The following RASAL1 variants were observed in gnomAD, a reference collection of about 807,000 sequenced individuals.
RASAL1 encodes the protein rasGAP-activating-like protein 1.
Under a neutral mutation model 96.6 loss-of-function variants are expected in RASAL1, and 72 were observed. That is an observed-to-expected ratio of 0.75 (90% CI 0.62 to 0.91). RASAL1 has a LOEUF of 0.91. Among genes scored for constraint, RASAL1 ranks in the 40% least tolerant of loss-of-function variants. The pLI, the probability that RASAL1 is intolerant of heterozygous loss-of-function variation, is 0.00. For missense variants in RASAL1, 1,016 were observed against 1,072.5 expected, an observed-to-expected ratio of 0.95 and a Z score of 0.74; for synonymous variants, 405 against 430.4, an observed-to-expected ratio of 0.94 and a Z score of 0.73.
intron 13 of RASAL1, among the ~76,000 whole-genome samples, chr12:113,111,315 T>C (rs562728010): frequency 1.3e-5 from 2 of 152,306 alleles, no homozygotes; most frequent in Non-Finnish European, 2.9e-5. Flanking sequence ...GCACTTACTT[T>C]GTGCCAGACT....
chr12:113,127,061 T>G (rs574100027), intron 4 of RASAL1, among the ~76,000 whole-genome samples: 1 of 151,422 alleles, frequency 6.6e-6, no homozygotes, highest in South Asian at 2.1e-4. Context: ...TATTTTTAAA[T>G]TATTTTTAGT....
upstream of RASAL1, chr12:113,135,820 T>G: frequency 5.0e-6 from 1 of 198,980 alleles, no homozygotes; most frequent in Non-Finnish European, 1.0e-5. This position sits in a 1 kb window ranked among gnomAD's most constrained non-coding sequence, Gnocchi z 5.7. Flanking sequence ...TCCAATGGGG[T>G]CCCCCACCTG....
At position 113,127,879 on chromosome 12, in the gene RASAL1, G is replaced by A. The variant is rs370191767; in HGVS notation, c.237-6C>T. 3 of 1,613,060 alleles carry A rather than the reference G, an allele frequency of 1.9e-6. No individual in the cohort carries two copies. In the South Asian group the frequency reaches 3.3e-5, roughly 18 times the overall value. Reference sequence around the variant, plus strand: ...TGCCGATGATGTCGTCGTGCCTGCAGGAAGGCGGGCACGTGAAGGTCTGAG... The same window carrying A: ...TGCCGATGATGTCGTCGTGCCTGCAAGAAGGCGGGCACGTGAAGGTCTGAG... On this transcript the variant is annotated splice_polypyrimidine_tract_variant and splice_region_variant and intron_variant, in intron 3 of 20. Transcript: ENST00000548055.
chr12:113,119,359 C>T lies in RASAL1; in HGVS notation c.510+3G>A, dbSNP rs1951204850. 6.2e-7 allele frequency: 1 copy of T among 1,613,054 alleles called. No homozygotes were observed. The highest frequency in any genetic ancestry group is 1.7e-5 in the Admixed American group (1 of 59,906). On this transcript the variant is annotated splice_donor_region_variant and intron_variant, in intron 6 of 20. Transcript: ENST00000548055. ...CTTCCTGGCTTCATTCCCCACCACT[C>T]ACTGAGGTCTCCAAGCTCTGGCTGC...
intron 20 of RASAL1, among the ~76,000 whole-genome samples, chr12:113,100,406 CT>C (rs1477976813): frequency 6.6e-6 from 1 of 152,186 alleles, no homozygotes; most frequent in African/African-American, 2.4e-5. Context: ...TCAAGCAATT[CT>C]CATGCCTCAG....
chr12:113,134,860 A>T (rs1468526409), intron 1 of RASAL1, among the ~76,000 whole-genome samples: 1 of 152,050 alleles, frequency 6.6e-6, no homozygotes, highest in Non-Finnish European at 1.5e-5. Flanking sequence ...AAGACTGGGG[A>T]GCTCAGGGCT....
chr12:113,130,662 C>T lies in RASAL1; in HGVS notation c.122+223G>A, dbSNP rs893132309. On this transcript the variant is annotated intron_variant, in intron 2 of 20. Coordinates refer to ENST00000548055, the MANE Select transcript of RASAL1 (RefSeq NM_001301202.2). This position sits in a 1 kb window ranked among gnomAD's most constrained non-coding sequence, Gnocchi z 5.1. ...GCACAGGCTGGCAGCGCTGAGTCAG[C>T]CCCAGGGAGCCAGCAGGGACAGCAT... Among the ~76,000 whole-genome samples the T allele has an allele frequency of 2.6e-5, 4 of 152,136 alleles. No homozygotes were observed. Among genetic ancestry groups the T allele is most frequent in the Non-Finnish European group, 4.4e-5 (3 of 68,010 alleles).
chr12:113,115,839 C>T lies in RASAL1; in HGVS notation c.850-51G>A, dbSNP rs376187198. 213 of 1,609,948 alleles carry T rather than the reference C, an allele frequency of 1.3e-4. No individual in the cohort carries two copies. The highest frequency in any genetic ancestry group is 1.4e-4 in the Non-Finnish European group (167 of 1,177,698). ...GACCTCGGCCCCTGGGACCCCAAAGCAGATGGGCCTAGATAGGGCTCCGTG... is the reference window on the plus strand; with the variant it reads ...GACCTCGGCCCCTGGGACCCCAAAGTAGATGGGCCTAGATAGGGCTCCGTG... On this transcript the variant is annotated intron_variant, in intron 9 of 20. Transcript: ENST00000548055. The surrounding 1 kb of genome is among the most constrained non-coding windows in gnomAD (Gnocchi z 4.1).
intron 4 of RASAL1, among the ~76,000 whole-genome samples, chr12:113,127,601 G>A (rs1277216926): frequency 6.6e-6 from 1 of 152,178 alleles, no homozygotes; most frequent in African/African-American, 2.4e-5. Context: ...AGTGAGCTAT[G>A]ATAGCACCAC....
intron 7 of RASAL1, among the ~76,000 whole-genome samples, chr12:113,117,373 A>C (rs1343513333): frequency 6.6e-6 from 1 of 152,198 alleles, no homozygotes; most frequent in African/African-American, 2.4e-5. Flanking sequence ...GGGACACTTA[A>C]TTTACAGTTG....
chr12:113,120,119 G>A (rs559398650), intron 5 of RASAL1, among the ~76,000 whole-genome samples: 1 of 152,190 alleles, frequency 6.6e-6, no homozygotes, highest in South Asian at 2.1e-4. Context: ...CCTCCTTCTT[G>A]ACGTTCTCCA....
rs1235516125 is a variant in RASAL1, at chr12:113,125,899, A to G, written c.298+1913T>C. Among the ~76,000 whole-genome samples, 4 of 152,258 alleles carry G rather than the reference A, an allele frequency of 2.6e-5. No homozygotes were observed. In the East Asian group the frequency reaches 7.7e-4, roughly 29 times the overall value. ...AAATAAACAATGGTAAAGCCACACAATGAAGCACCACGATGCCATCCCAAA... is the reference window on the plus strand; with the variant it reads ...AAATAAACAATGGTAAAGCCACACAGTGAAGCACCACGATGCCATCCCAAA... On this transcript the variant is annotated intron_variant, in intron 4 of 20. Transcript: ENST00000548055.
chr12:113,130,037 T>TC lies in RASAL1; in HGVS notation c.122+847dup, dbSNP rs1273768805. On this transcript the variant is annotated intron_variant, in intron 2 of 20. Transcript: ENST00000548055. This position sits in a 1 kb window ranked among gnomAD's most constrained non-coding sequence, Gnocchi z 5.1. ...GGAGGGGGGAGCTACAGCTGACCCC[T>TC]CCCCCAGGCAGGCTCCCCACCCCCA... 6.6e-6 allele frequency among the ~76,000 whole-genome samples: 1 copy of TC among 150,956 alleles called. No homozygotes were observed. Among genetic ancestry groups the TC allele is most frequent in the Non-Finnish European group, 1.5e-5 (1 of 67,728 alleles).
chr12:113,105,770 GCTT>G lies in RASAL1; in HGVS notation c.1771_1773del (p.Lys591del). The G allele has an allele frequency of 6.2e-7, 1 of 1,614,084 alleles. No homozygotes were observed. Among genetic ancestry groups the G allele is most frequent in the South Asian group, 1.1e-5 (1 of 91,074 alleles). On this transcript the variant is annotated inframe_deletion, in exon 16 of 21. Transcript: ENST00000548055. ...GTCTCCCCGCTGAGCCAGACGTAGC[GCTT>G]CTTGAAGGCAAAGCGCGTGGCCAGG...
chr12:113,111,975 T>C (rs1226146351), intron 13 of RASAL1, 111 bp downstream of exon 13: 1 of 953,482 alleles, frequency 1.0e-6, no homozygotes, highest in Non-Finnish European at 1.4e-6. Flanking sequence ...CAGGACAGAA[T>C]GCTCTAGTGC....
In RASAL1 at chr12:113,128,164, C is replaced by T; in HGVS notation, c.137G>A (p.Trp46Ter). The change falls in exon 3 of 21, where the codon TGG becomes TAG. Residue 46 changes from tryptophan to a stop codon, truncating the protein, a stop_gained. Coordinates refer to ENST00000548055, the MANE Select transcript of RASAL1 (RefSeq NM_001301202.2). LOFTEE classifies it high-confidence loss of function. ...CCCCCAGAAGGGGCCCAGGCTCCTC[C>T]AGACAGTAGCTGTCCTGCAAAAGGA... ...DEVVARTATV[W>*]RSLGPFWGEE... 1 of 1,613,370 alleles carries T rather than the reference C, an allele frequency of 6.2e-7. No individual in the cohort carries two copies. The highest frequency in any genetic ancestry group is 1.1e-5 in the South Asian group (1 of 91,068).
intron 6 of RASAL1, 24 bp from the exon 7 acceptor site, chr12:113,119,283 T>C: frequency 6.2e-7 from 1 of 1,611,670 alleles, no homozygotes; most frequent in Non-Finnish European, 8.5e-7. Flanking sequence ...AAGTGGTCTG[T>C]GAGTGGGAGA....
chr12:113,127,516 G>A (rs1033595005), intron 4 of RASAL1, among the ~76,000 whole-genome samples: 4 of 152,060 alleles, frequency 2.6e-5, no homozygotes, highest in African/African-American at 4.8e-5. Flanking sequence ...TGGGTGTGGT[G>A]GTGTGCACCT....
intron 15 of RASAL1, 54 bp from the exon 16 acceptor site, chr12:113,105,940 A>C: frequency 2.5e-5 from 39 of 1,533,930 alleles, no homozygotes; most frequent in Non-Finnish European, 3.2e-5. Context: ...AACCAGGCTC[A>C]CCTTGCTCCA....
Sources: allele counts gnomAD v4.1 joint callset (sites outside exome capture counted in the v4.1 genomes callset), GRCh38; gene constraint gnomAD v4.1.1; non-coding constraint Gnocchi (gnomAD v3.1); transcripts MANE v1.5; gene names NCBI Gene and HGNC (gene_info 2026-07-23, HGNC 2026-07-21).